FLNB: variants seen among roughly 807,000 people sequenced by gnomAD.
The protein encoded by FLNB is filamin B, also known as filamin-B.
FLNB carries 111 observed loss-of-function variants against 250.6 expected under a neutral mutation model. That is an observed-to-expected ratio of 0.44 (90% CI 0.38 to 0.52). The LOEUF is 0.52. Among genes scored for constraint, FLNB ranks in the 20% least tolerant of loss-of-function variants. The pLI is 0.00. For missense variants in FLNB, 2,869 were observed against 3,447.8 expected (o/e 0.83, Z 4.20); for synonymous variants, 1,302 against 1,372.1 (o/e 0.95, Z 1.13).
intron 19 of FLNB, 150 bp downstream of exon 19, chr3:58,119,139 C>A: frequency 1.4e-6 from 1 of 713,776 alleles, no homozygotes; most frequent in South Asian, 1.6e-5. Context: ...GAATTAAGGC[C>A]GTGGTGTGAA....
chr3:58,046,532 C>T (rs1278058016), intron 1 of FLNB, among the ~76,000 whole-genome samples: 1 of 151,890 alleles, frequency 6.6e-6, no homozygotes, highest in African/African-American at 2.4e-5. Flanking sequence ...TCACTGCAAC[C>T]TCCATCTCCC....
intron 38 of FLNB, chr3:58,151,378 T>C (rs2107281039): frequency 9.1e-6 from 1 of 109,580 alleles, no homozygotes; most frequent in South Asian, 3.0e-4. Context: ...GGCAACAAAG[T>C]GAGACTCCTT....
intron 41 of FLNB, among the ~76,000 whole-genome samples, chr3:58,157,545 C>G (rs1215476514): frequency 6.6e-6 from 1 of 152,220 alleles, no homozygotes; most frequent in Admixed American, 6.5e-5. Context: ...ACCAAGGGTA[C>G]TAACTGGTTA....
At chr3:58,112,448 G>A (rs2107131586) in intron 18 of FLNB, 130 bp downstream of exon 18, 4 of 907,794 alleles carry the variant, frequency 4.4e-6, no homozygotes, top group East Asian at 5.0e-5. Flanking sequence ...ATGGGAGGCA[G>A]CTCCTGGCAC....
intron 18 of FLNB, among the ~76,000 whole-genome samples, chr3:58,115,193 T>C (rs891303768): frequency 6.6e-6 from 1 of 152,208 alleles, no homozygotes; most frequent in Non-Finnish European, 1.5e-5. Flanking sequence ...GTAATTATTT[T>C]CCTGCTGATG....
intron 11 of FLNB, 55 bp from the exon 12 acceptor site, chr3:58,106,625 G>A: frequency 1.3e-6 from 2 of 1,535,374 alleles, no homozygotes; most frequent in Admixed American, 1.7e-5. Flanking sequence ...TCGTAACATA[G>A]AATAGGTGCT....
intron 25 of FLNB, among the ~76,000 whole-genome samples, chr3:58,131,336 G>A (rs948389137): frequency 1.3e-5 from 2 of 152,216 alleles, no homozygotes; most frequent in African/African-American, 2.4e-5. Context: ...CATGATGCAC[G>A]TGATACGTGG....
chr3:58,068,702 C>T (rs960660854), intron 1 of FLNB, among the ~76,000 whole-genome samples: 2 of 152,156 alleles, frequency 1.3e-5, no homozygotes, highest in Admixed American at 6.5e-5. Context: ...GTCCTGCTGG[C>T]CTGGGGTCTG....
chr3:58,145,360 C>G (rs1389090707), intron 32 of FLNB, among the ~76,000 whole-genome samples: 1 of 152,164 alleles, frequency 6.6e-6, no homozygotes, highest in Non-Finnish European at 1.5e-5. Context: ...GGGTCTTCCT[C>G]ACTCTTTTTA....
chr3:58,143,352 G>T, intron 31 of FLNB, 121 bp from the exon 32 acceptor site: 1 of 1,005,460 alleles, frequency 9.9e-7, no homozygotes. Flanking sequence ...AATGTTTTAG[G>T]CAGCAACGAA....
chr3:58,084,372 T>C (rs1360747613), intron 4 of FLNB, among the ~76,000 whole-genome samples: 2 of 152,162 alleles, frequency 1.3e-5, no homozygotes, highest in African/African-American at 4.8e-5. Context: ...TAGTGTATGT[T>C]TGTAATAACC....
At chr3:58,027,847 G>A (rs1235691247) in intron 1 of FLNB, among the ~76,000 whole-genome samples, 6 of 152,134 alleles carry the variant, frequency 3.9e-5, no homozygotes, top group African/African-American at 1.4e-4. Flanking sequence ...CTATAATAAC[G>A]GAAAAACAGC....
rs1350085246 is a variant in FLNB, at chr3:58,132,947, C to T, written c.4514+16C>T. 6.2e-7 allele frequency: 1 copy of T among 1,607,980 alleles called. No individual in the cohort carries two copies. Among genetic ancestry groups the T allele is most frequent in the Non-Finnish European group, 8.5e-7 (1 of 1,177,196 alleles). On this transcript the variant is annotated intron_variant, in intron 26 of 45. Transcript: ENST00000295956. ...TTCCTCGCAGGTAAGCTCCATCCAT[C>T]TGCCCATCCATTCCTCCATCAGTCT...
intron 37 of FLNB, 44 bp downstream of exon 37, chr3:58,150,046 C>T (rs776687429): frequency 6.2e-7 from 1 of 1,614,284 alleles, no homozygotes; most frequent in East Asian, 2.2e-5. Context: ...CTTGGGTTTT[C>T]TGTAAATGCT....
intron 1 of FLNB, among the ~76,000 whole-genome samples, chr3:58,050,413 G>A (rs1036659237): frequency 3.3e-5 from 5 of 152,182 alleles, no homozygotes; most frequent in Admixed American, 2.6e-4. Flanking sequence ...CAAGGACTGA[G>A]TATGGTAACT....
At chr3:58,048,276 G>A (rs755111986) in intron 1 of FLNB, among the ~76,000 whole-genome samples, 3 of 152,074 alleles carry the variant, frequency 2.0e-5, no homozygotes, top group Non-Finnish European at 2.9e-5. Context: ...AATCAGGCCC[G>A]TTGTCTTGTA....
In FLNB at chr3:58,098,821, C is replaced by G. The variant is rs1229453165; in HGVS notation, c.1258C>G (p.Pro420Ala). ...CCAGGTGTATCGATGTGTGTACAAA[C>G]CCATGCAGCCTGGCCCTCACGTGGT... ...GNQVYRCVYK[P>A]MQPGPHVVKI... Residue 420 changes from proline (P) to alanine (A), a missense_variant, in exon 8 of 46, where the codon CCC becomes GCC. Coordinates refer to ENST00000295956, the MANE Select transcript of FLNB (RefSeq NM_001457.4). The G allele has an allele frequency of 1.2e-6, 2 of 1,614,028 alleles. No individual in the cohort carries two copies. The highest frequency in any genetic ancestry group is 2.7e-5 in the African/African-American group (2 of 74,916).
At chr3:58,008,906 C>A in intron 1 of FLNB, 50 bp downstream of exon 1, 2 of 1,605,842 alleles carry the variant, frequency 1.2e-6, no homozygotes, top group Non-Finnish European at 1.7e-6. Flanking sequence ...CGACCCGCCC[C>A]CGCGCGTGCA....
chr3:58,106,618 TAAC>T (rs2097260225), intron 11 of FLNB, 59 bp from the exon 12 acceptor site: 1 of 1,500,246 alleles, frequency 6.7e-7, no homozygotes, highest in Non-Finnish European at 9.3e-7. Context: ...TGAGCTGTCG[TAAC>T]ATAGAATAGG....
Sources: allele counts gnomAD v4.1 joint callset (sites outside exome capture counted in the v4.1 genomes callset), GRCh38; gene constraint gnomAD v4.1.1; transcripts MANE v1.5; gene names NCBI Gene and HGNC (gene_info 2026-07-23, HGNC 2026-07-21).